Variants in MSI2 observed in about 807,000 individuals in gnomAD.
MSI2 encodes the protein RNA-binding protein Musashi homolog 2.
Under a neutral mutation model 45.6 loss-of-function variants are expected in MSI2, and 17 were observed. The ratio of observed to expected loss-of-function variants is 0.37; its 90% CI spans 0.26 to 0.56. MSI2 has a LOEUF of 0.56. MSI2 is among the 20% of genes least tolerant of loss of function. The probability of loss-of-function intolerance (pLI) is 0.77; values close to 1 mark genes in which losing one functional copy is unlikely to be tolerated. For synonymous variants in MSI2, 156 were observed against 158.2 expected, an observed-to-expected ratio of 0.99 and a Z score of 0.11; for missense variants, 293 against 444.2, an observed-to-expected ratio of 0.66 and a Z score of 3.06.
Position 57,256,806 on chromosome 17 carries a change from T to C in MSI2, c.62+2T>C. ...CAACGACTCCCAGCACGACCCCGGG[T>C]AAGTTTCCAGCCGCTGCCCACCGCG... On this transcript the variant is annotated splice_donor_variant, in intron 1 of 13. Transcript: ENST00000284073. LOFTEE classifies it high-confidence loss of function. 1 of 1,464,416 alleles carries C rather than the reference T, an allele frequency of 6.8e-7. No homozygotes were observed. Among genetic ancestry groups the C allele is most frequent in the Non-Finnish European group, 9.0e-7 (1 of 1,109,912 alleles). 90.7% of individuals were successfully genotyped at this position (1,464,416 alleles called of 1,614,324 possible). A position where few individuals can be genotyped will look rare whatever the true frequency, so the allele number is the denominator to read the frequency against.
chr17:57,462,580 A>C (rs186648114), intron 6 of MSI2, among the ~76,000 whole-genome samples: 2 of 152,254 alleles, frequency 1.3e-5, no homozygotes, highest in Admixed American at 1.3e-4. Flanking sequence ...GGGTATATCT[A>C]TGTGAGTCTG....
chr17:57,597,466 TAAAAAA>T (rs35606406), intron 8 of MSI2, among the ~76,000 whole-genome samples: 19 of 87,138 alleles, frequency 2.2e-4, no homozygotes, highest in South Asian at 8.7e-4. Flanking sequence ...CCTCATCTCT[TAAAAAA>T]AAAAAAAAAA....
intron 12 of MSI2, 94 bp downstream of exon 12, chr17:57,675,220 C>A: frequency 7.8e-7 from 1 of 1,284,166 alleles, no homozygotes; most frequent in Non-Finnish European, 1.1e-6. Flanking sequence ...ACATCGGGGG[C>A]AGAGGAGAGG....
intron 5 of MSI2, among the ~76,000 whole-genome samples, chr17:57,394,150 C>A (rs2083846655): frequency 6.6e-6 from 1 of 152,194 alleles, no homozygotes; most frequent in Non-Finnish European, 1.5e-5. Context: ...AAGGTGAAGA[C>A]ATACCTGCTC....
chr17:57,667,193 G>A lies in MSI2; in HGVS notation c.791-7779G>A, dbSNP rs185537015. ...CATGGCATGGGTGCTGCAGGTTCCG[G>A]GGAGCCTCCTTGTCTGTTATTCCTT... On this transcript the variant is annotated intron_variant, in intron 11 of 13. Transcript: ENST00000284073. 6.8e-3 allele frequency among the ~76,000 whole-genome samples: 1,039 copies of A among 152,292 alleles called. 6 individuals are homozygous for A. Among genetic ancestry groups the A allele is most frequent in the African/African-American group, 0.021 (884 of 41,552 alleles).
chr17:57,603,203 C>G (rs985141038), intron 8 of MSI2, among the ~76,000 whole-genome samples: 2 of 152,232 alleles, frequency 1.3e-5, no homozygotes, highest in African/African-American at 4.8e-5. Flanking sequence ...CTGCTCCCGC[C>G]CCTCACCATG....
intron 5 of MSI2, among the ~76,000 whole-genome samples, chr17:57,311,020 A>G (rs1441009925): frequency 2.0e-5 from 3 of 152,226 alleles, no homozygotes; most frequent in Non-Finnish European, 2.9e-5. Flanking sequence ...CGTTGTTGTG[A>G]GGATCTGATG....
At chr17:57,576,820 G>T (rs1216908974) in intron 7 of MSI2, among the ~76,000 whole-genome samples, 2 of 151,558 alleles carry the variant, frequency 1.3e-5, no homozygotes, top group African/African-American at 4.9e-5. Flanking sequence ...AAGGAAGGTT[G>T]GGCAGGGCGA....
intron 5 of MSI2, among the ~76,000 whole-genome samples, chr17:57,331,744 G>A (rs1236907789): frequency 6.6e-6 from 1 of 152,196 alleles, no homozygotes; most frequent in Non-Finnish European, 1.5e-5. Context: ...TCTCAGAACA[G>A]TGAAGGCGTA....
chr17:57,449,527 T>G (rs1436789911), intron 6 of MSI2: 3 of 152,232 alleles, frequency 2.0e-5, no homozygotes, highest in African/African-American at 7.2e-5. Context: ...ATCTTTATTT[T>G]ATTGTTTTTC....
rs33915774 is a variant in MSI2, at chr17:57,647,274, CAAAAAAAAAAAAA to C, written c.728-4811_728-4799del. 3.2e-4 allele frequency among the ~76,000 whole-genome samples: 12 copies of C among 37,672 alleles called. No individual in the cohort carries two copies. The South Asian group carries it at 4.2e-3, about 13-fold the overall frequency. The allele number at this position is 37,672 out of a possible 152,430, so 24.7% of individuals were successfully genotyped here. On this transcript the variant is annotated intron_variant, in intron 10 of 13. Coordinates refer to ENST00000284073, the MANE Select transcript of MSI2 (RefSeq NM_138962.4). Reference sequence around the variant, plus strand: ...TGAAATCTCGACTCTACTAAAAATACAAAAAAAAAAAAAAAAAAAAAAAAAATAGCCAGGAGTG... The same window carrying C: ...TGAAATCTCGACTCTACTAAAAATACAAAAAAAAAAAAATAGCCAGGAGTG...
chr17:57,497,489 C>T (rs74402192), intron 6 of MSI2, among the ~76,000 whole-genome samples: 1,728 of 152,276 alleles, frequency 0.011, 109 homozygotes, highest in Admixed American at 0.096. Flanking sequence ...TGGGGAGCTG[C>T]GCTTGTTTGG....
intron 5 of MSI2, among the ~76,000 whole-genome samples, chr17:57,287,879 C>T (rs187745194): frequency 2.6e-4 from 40 of 152,268 alleles, no homozygotes; most frequent in South Asian, 8.3e-4. Flanking sequence ...ACCCTATAGA[C>T]GAAACAGATG....
At chr17:57,536,517 T>C (rs1175143849) in intron 7 of MSI2, among the ~76,000 whole-genome samples, 2 of 152,242 alleles carry the variant, frequency 1.3e-5, no homozygotes, top group Non-Finnish European at 2.9e-5. Flanking sequence ...GCTGCCTGTC[T>C]TCCCTGCTGG....
At chr17:57,673,759 ACCCCAC>A (rs1339000200) in intron 11 of MSI2, among the ~76,000 whole-genome samples, 1 of 151,772 alleles carries the variant, frequency 6.6e-6, no homozygotes, top group Non-Finnish European at 1.5e-5. Flanking sequence ...CCGATCTGCA[ACCCCAC>A]CACTCTCTGG....
At chr17:57,626,774 C>T (rs1908848048) in intron 9 of MSI2, 8 of 167,320 alleles carry the variant, frequency 4.8e-5, no homozygotes, top group Admixed American at 4.0e-4. Context: ...TGAGTTTGGC[C>T]GCTAAACTGT....
intron 8 of MSI2, among the ~76,000 whole-genome samples, chr17:57,602,238 C>A (rs941519436): frequency 2.6e-5 from 4 of 151,796 alleles, no homozygotes; most frequent in South Asian, 4.2e-4. Context: ...AGCTCATCAG[C>A]TATCTTTAGT....
chr17:57,681,996 A>G lies in MSI2; in HGVS notation c.*2479A>G, dbSNP rs1913634334. The G allele has an allele frequency of 4.7e-6, 1 of 211,380 alleles. No homozygotes were observed. Among genetic ancestry groups the G allele is most frequent in the Admixed American group, 5.9e-5 (1 of 17,032 alleles). 13.1% of individuals were successfully genotyped at this position (211,380 alleles called of 1,614,324 possible). A position where few individuals can be genotyped will look rare whatever the true frequency, so the allele number is the denominator to read the frequency against. Reference sequence around the variant, plus strand: ...TGATCATTGTATGTTAATAATGTATAAAATGGCTATCTTGTAAGCGTGCTG... The same window carrying G: ...TGATCATTGTATGTTAATAATGTATGAAATGGCTATCTTGTAAGCGTGCTG... On this transcript the variant is annotated 3_prime_UTR_variant, in exon 14 of 14. Transcript: ENST00000284073.
intron 6 of MSI2, among the ~76,000 whole-genome samples, chr17:57,480,672 G>A (rs1030772823): frequency 6.6e-6 from 1 of 152,178 alleles, no homozygotes; most frequent in South Asian, 2.1e-4. Context: ...ATAAATAGAC[G>A]AGGGAAAGAG....
Sources: allele counts gnomAD v4.1 joint callset (sites outside exome capture counted in the v4.1 genomes callset), GRCh38; gene constraint gnomAD v4.1.1; transcripts MANE v1.5; gene names NCBI Gene and HGNC (gene_info 2026-07-23, HGNC 2026-07-21).